WRAP73: variants seen among roughly 807,000 people sequenced by gnomAD.
WRAP73 encodes WD repeat containing, antisense to TP73.
In WRAP73, 55 loss-of-function variants were observed where a neutral mutation model predicts 59.6. The observed-to-expected ratio is 0.92, with a 90% confidence interval of 0.74 to 1.15. WRAP73 has a LOEUF of 1.15. Among genes scored for constraint, WRAP73 ranks in the 50% most tolerant of loss-of-function variants. WRAP73 has a pLI of 0.00. For missense variants in WRAP73, 592 were observed against 608.1 expected (o/e 0.97, Z 0.28); for synonymous variants, 265 against 258.2 (o/e 1.03, Z -0.25).
intron 8 of WRAP73, 144 bp downstream of exon 8, chr1:3,634,853 G>A (rs1644574084): frequency 8.0e-6 from 8 of 1,002,720 alleles, no homozygotes; most frequent in Middle Eastern, 3.1e-4. Context: ...GGCCAGACGC[G>A]TGAAATGTCA....
intron 9 of WRAP73, chr1:3,632,865 C>T (rs1644551932): frequency 2.4e-5 from 5 of 207,294 alleles, no homozygotes; most frequent in Admixed American, 1.6e-4. Context: ...CACCGAGCCC[C>T]GGGGTGGGCC....
Position 3,650,066 on chromosome 1 carries a change from GCTGCAAC to G in WRAP73, c.-74_-68del. ...CGCGGGACCCCTGGGCGCGCAGCAG[GCTGCAAC>G]AGCCGACGCCGGCCTCCGAGGCCGG... On this transcript the variant is annotated 5_prime_UTR_variant, in exon 1 of 12. Transcript: ENST00000270708. 2.3e-6 allele frequency: 1 copy of G among 437,530 alleles called. No homozygotes were observed. 27.1% of individuals were successfully genotyped at this position (437,530 alleles called of 1,614,324 possible). A position where few individuals can be genotyped will look rare whatever the true frequency, so the allele number is the denominator to read the frequency against.
chr1:3,633,507 A>C lies in WRAP73; in HGVS notation c.817-4T>G. The C allele has an allele frequency of 6.3e-7, 1 of 1,588,704 alleles. No homozygotes were observed. Among genetic ancestry groups the C allele is most frequent in the Non-Finnish European group, 8.5e-7 (1 of 1,171,260 alleles). On this transcript the variant is annotated splice_polypyrimidine_tract_variant and splice_region_variant and intron_variant, in intron 8 of 11. Transcript: ENST00000270708. The stretch of plus-strand genomic sequence containing the variant: ...TCTCGGCCTCCTTATACACCACCTG[A>C]AAGACACAAGGTGGCCACGCCCGGC...
chr1:3,638,380 A>G (rs967165753), intron 4 of WRAP73, among the ~76,000 whole-genome samples: 2 of 152,216 alleles, frequency 1.3e-5, no homozygotes, highest in Admixed American at 6.5e-5. Context: ...CAGAAGAGAG[A>G]AAGCTCAGAA....
intron 8 of WRAP73, chr1:3,633,971 CT>C (rs944880169): frequency 6.3e-6 from 1 of 159,560 alleles, no homozygotes; most frequent in Admixed American, 6.1e-5. Context: ...CCCTACGCCC[CT>C]GAAGAGCCCC....
At chr1:3,643,366 G>A (rs79572785) in intron 3 of WRAP73, among the ~76,000 whole-genome samples, 2,614 of 152,372 alleles carry the variant, frequency 0.017, 73 homozygotes, top group African/African-American at 0.06. Flanking sequence ...GCATTGCTAC[G>A]AGGAAGAGAA....
intron 5 of WRAP73, 79 bp from the exon 6 acceptor site, chr1:3,636,109 T>G: frequency 9.8e-7 from 1 of 1,023,292 alleles, no homozygotes; most frequent in Non-Finnish European, 1.5e-6. Flanking sequence ...ACTGATGTTC[T>G]TAACGCACTT....
Position 3,647,673 on chromosome 1 carries a change from T to G in WRAP73, c.70-113A>C, listed in dbSNP as rs1371892457. ...CTGTGGCCTTCTCTCCTGCCAGAGG[T>G]TTCATGTCTAGATCACCAGTGACAT... On this transcript the variant is annotated intron_variant, in intron 1 of 11. Transcript: ENST00000270708. 50 of 1,210,614 alleles carry G rather than the reference T, an allele frequency of 4.1e-5. No individual in the cohort carries two copies. In the East Asian group the frequency reaches 1.2e-3, roughly 30 times the overall value. The allele number at this position is 1,210,614 out of a possible 1,614,324, so 75.0% of individuals were successfully genotyped here.
At chr1:3,642,135 G>A (rs1644651945) in intron 3 of WRAP73, among the ~76,000 whole-genome samples, 1 of 152,188 alleles carries the variant, frequency 6.6e-6, no homozygotes, top group Admixed American at 6.5e-5. Context: ...CACCTGTAAT[G>A]CCAGCTATAC....
At position 3,647,651 on chromosome 1, in the gene WRAP73, T is replaced by C. The variant is rs528802818; in HGVS notation, c.70-91A>G. ...CTACTGCCCTGGCCTTCAGTGACTG[T>C]GGCCTTCTCTCCTGCCAGAGGTTTC... On this transcript the variant is annotated intron_variant, in intron 1 of 11. Coordinates refer to ENST00000270708, the MANE Select transcript of WRAP73 (RefSeq NM_017818.4). 1,278 of 1,417,064 alleles carry C rather than the reference T, an allele frequency of 9.0e-4. 9 individuals carry two copies. In the African/African-American group the frequency reaches 0.017, roughly 18 times the overall value. The allele number at this position is 1,417,064 out of a possible 1,614,324, so 87.8% of individuals were successfully genotyped here.
intron 9 of WRAP73, chr1:3,632,830 T>C: frequency 1.3e-5 from 3 of 234,592 alleles, no homozygotes; most frequent in Non-Finnish European, 2.5e-5. Flanking sequence ...AGGCTGCACC[T>C]GTCCTGACCC....
rs201491183 is a variant in WRAP73 at position 3,632,347 on chromosome 1, C to G, written c.923-9G>C. On this transcript the variant is annotated splice_polypyrimidine_tract_variant and intron_variant, in intron 9 of 11. Transcript: ENST00000270708. ...GACAGAGGCGATCTCATCTAGAACACCAACAGGAAGAACACGCCATTGTCA... is the reference window on the plus strand; with the variant it reads ...GACAGAGGCGATCTCATCTAGAACAGCAACAGGAAGAACACGCCATTGTCA... 3.7e-6 allele frequency: 6 copies of G among 1,613,980 alleles called. No homozygotes were observed. Among genetic ancestry groups the G allele is most frequent in the Non-Finnish European group, 5.1e-6 (6 of 1,180,006 alleles).
rs558899903 is a variant in WRAP73, at chr1:3,639,376, GACTGTCC to G, written c.340-561_340-555del. The G allele has an allele frequency of 0.012, 1,848 of 154,592 alleles. 19 individuals are homozygous for G. The highest frequency in any genetic ancestry group is 0.02 in the Non-Finnish European group (1,402 of 69,684). The allele number at this position is 154,592 out of a possible 1,614,324, so 9.6% of individuals were successfully genotyped here. Reference sequence around the variant, plus strand: ...GAGGGTTCTAGAACATGCGCTGCTGGACTGTCCACTTTTCCACCCCTTTCCCTGACTC... The same window carrying G: ...GAGGGTTCTAGAACATGCGCTGCTGGACTTTTCCACCCCTTTCCCTGACTC... On this transcript the variant is annotated intron_variant, in intron 3 of 11. Transcript: ENST00000270708. This position sits in a 1 kb window ranked among gnomAD's most constrained non-coding sequence, Gnocchi z 4.3.
intron 3 of WRAP73, among the ~76,000 whole-genome samples, chr1:3,640,753 T>C (rs1482150339): frequency 6.6e-6 from 1 of 151,364 alleles, no homozygotes; most frequent in Admixed American, 6.6e-5. Flanking sequence ...CACCCAAGCA[T>C]CTCAGCATCA....
chr1:3,647,352 C>T (rs1644701522), intron 2 of WRAP73, 56 bp downstream of exon 2: 1 of 1,528,244 alleles, frequency 6.5e-7, no homozygotes, highest in Non-Finnish European at 8.8e-7. Flanking sequence ...CAAAACCCCT[C>T]CTTCCCAGGG....
In WRAP73 at chr1:3,633,493, T is replaced by C. The variant is rs368001226; in HGVS notation, c.827A>G (p.Lys276Arg). 58 of 1,599,562 alleles carry C rather than the reference T, an allele frequency of 3.6e-5. No individual in the cohort carries two copies. The highest frequency in any genetic ancestry group is 1.4e-4 in the Admixed American group (8 of 55,974). ...AINDPKIVVY[K>R]EAEKSPQLGL... ...CAGCTGTGGGCTCTTCTCGGCCTCC[T>C]TATACACCACCTGAAAGACACAAGG... Residue 276 changes from lysine to arginine, a missense_variant, in exon 9 of 12, where the codon AAG (lysine) becomes AGG (arginine). Coordinates refer to ENST00000270708, the MANE Select transcript of WRAP73 (RefSeq NM_017818.4).
Position 3,635,084 on chromosome 1 carries a change from G to C in WRAP73, c.739-10C>G. 1 of 1,614,192 alleles carries C rather than the reference G, an allele frequency of 6.2e-7. No homozygotes were observed. Among genetic ancestry groups the C allele is most frequent in the South Asian group, 1.1e-5 (1 of 91,076 alleles). ...GATTAAGGATGCGCACCTGAGGAAG[G>C]AAACCATGCACAGGTGAGGCAGGGC... is the stretch of plus-strand genomic sequence containing the variant. On this transcript the variant is annotated splice_polypyrimidine_tract_variant and intron_variant, in intron 7 of 11. Coordinates refer to ENST00000270708, the MANE Select transcript of WRAP73 (RefSeq NM_017818.4).
intron 3 of WRAP73, among the ~76,000 whole-genome samples, chr1:3,645,390 G>A (rs1395057189): frequency 7.0e-6 from 1 of 143,326 alleles, no homozygotes; most frequent in Non-Finnish European, 1.5e-5. Context: ...GTGGCGCAGC[G>A]GGACGGGCGG....
intron 10 of WRAP73, 93 bp from the exon 11 acceptor site, chr1:3,631,750 G>A (rs2101951213): frequency 1.3e-6 from 2 of 1,496,428 alleles, no homozygotes; most frequent in Non-Finnish European, 1.8e-6. Flanking sequence ...ACCACAGGAG[G>A]GGAGGGGAAG....
Sources: allele counts gnomAD v4.1 joint callset (sites outside exome capture counted in the v4.1 genomes callset), GRCh38; gene constraint gnomAD v4.1.1; non-coding constraint Gnocchi (gnomAD v3.1); transcripts MANE v1.5; gene names NCBI Gene and HGNC (gene_info 2026-07-23, HGNC 2026-07-21).